CDH8: variants seen among roughly 807,000 people sequenced by gnomAD.
CDH8 encodes the protein cadherin 8, also known as cadherin-8.
Under a neutral mutation model 68.1 loss-of-function variants are expected in CDH8, and 17 were observed. The observed-to-expected ratio is 0.25, with a 90% confidence interval of 0.17 to 0.37. CDH8 has a LOEUF of 0.37. Among genes scored for constraint, CDH8 ranks in the 10% least tolerant of loss-of-function variants. The probability of loss-of-function intolerance (pLI) is 1.00; values close to 1 mark genes in which losing one functional copy is unlikely to be tolerated. For synonymous variants in CDH8, 372 were observed against 365.1 expected (o/e 1.02, Z -0.21); for missense variants, 763 against 999.3 (o/e 0.76, Z 3.19).
intron 9 of CDH8, chr16:61,726,755 C>G (rs945781680): frequency 2.7e-5 from 10 of 363,810 alleles, no homozygotes; most frequent in African/African-American, 1.9e-4. Context: ...CGAGGTTTTA[C>G]CTTGCTTCTT....
chr16:61,899,711 TTC>T (rs1265049837), intron 3 of CDH8, among the ~76,000 whole-genome samples: 2 of 152,176 alleles, frequency 1.3e-5, no homozygotes, highest in African/African-American at 4.8e-5. Flanking sequence ...AACTAGGATA[TTC>T]TCTTTCTCAG....
intron 2 of CDH8, among the ~76,000 whole-genome samples, chr16:62,007,804 C>T (rs1901709305): frequency 6.6e-6 from 1 of 152,170 alleles, no homozygotes; most frequent in Admixed American, 6.5e-5. Flanking sequence ...CTCTTTCCTT[C>T]CCTCAGTCTT....
chr16:61,867,092 C>G (rs973825417), intron 3 of CDH8, among the ~76,000 whole-genome samples: 1 of 152,008 alleles, frequency 6.6e-6, no homozygotes, highest in East Asian at 1.9e-4. Context: ...AGCCACTGAG[C>G]CACTGAGCTA....
chr16:62,002,945 C>T (rs974705943), intron 2 of CDH8, among the ~76,000 whole-genome samples: 4 of 151,872 alleles, frequency 2.6e-5, no homozygotes, highest in Non-Finnish European at 5.9e-5. Context: ...CCCAACTACT[C>T]GGGAAGCTGA....
intron 8 of CDH8, among the ~76,000 whole-genome samples, chr16:61,728,078 A>G (rs926835661): frequency 4.0e-5 from 6 of 151,122 alleles, no homozygotes; most frequent in Admixed American, 2.7e-4. Flanking sequence ...TAAATTATAC[A>G]GAATGCATTG....
intron 2 of CDH8, among the ~76,000 whole-genome samples, chr16:61,915,675 A>G (rs1487002498): frequency 6.6e-6 from 1 of 152,238 alleles, no homozygotes; most frequent in Non-Finnish European, 1.5e-5. Context: ...TTGCGAAGTT[A>G]AATCTAAGGT....
At chr16:61,976,861 A>T (rs1965444427) in intron 2 of CDH8, among the ~76,000 whole-genome samples, 1 of 152,152 alleles carries the variant, frequency 6.6e-6, no homozygotes, top group Non-Finnish European at 1.5e-5. Flanking sequence ...GTAACTTGTT[A>T]CTTTCATTGG....
intron 2 of CDH8, among the ~76,000 whole-genome samples, chr16:61,902,892 GAACA>G (rs1266180439): frequency 6.6e-6 from 1 of 152,030 alleles, no homozygotes; most frequent in Non-Finnish European, 1.5e-5. Flanking sequence ...GTATTAACAT[GAACA>G]AATATTGAAA....
chr16:61,659,098 T>C (rs1963505855), intron 10 of CDH8, among the ~76,000 whole-genome samples: 1 of 152,212 alleles, frequency 6.6e-6, no homozygotes, highest in Admixed American at 6.5e-5. Flanking sequence ...TTTCTTTTTA[T>C]TTATAAAAGC....
At chr16:61,978,511 T>A (rs1567553951) in intron 2 of CDH8, among the ~76,000 whole-genome samples, 1 of 152,232 alleles carries the variant, frequency 6.6e-6, no homozygotes, top group Non-Finnish European at 1.5e-5. Flanking sequence ...TCTGATTGAC[T>A]TGTAATGAGT....
chr16:61,914,833 G>C (rs191537924), intron 2 of CDH8, among the ~76,000 whole-genome samples: 1 of 151,792 alleles, frequency 6.6e-6, no homozygotes, highest in East Asian at 1.9e-4. Flanking sequence ...ATTTTCCCCA[G>C]AGGCGCTAGA....
chr16:61,959,921 G>A (rs1225472143), intron 2 of CDH8, among the ~76,000 whole-genome samples: 1 of 133,650 alleles, frequency 7.5e-6, no homozygotes, highest in Non-Finnish European at 1.6e-5. Context: ...ACACACAGAG[G>A]GAGGATATGG....
In CDH8 at chr16:61,653,193, T is replaced by C; in HGVS notation, c.*415A>G. 1 of 1,214,218 alleles carries C rather than the reference T, an allele frequency of 8.2e-7. No individual in the cohort carries two copies. Among genetic ancestry groups the C allele is most frequent in the Non-Finnish European group, 1.0e-6 (1 of 977,974 alleles). The allele number at this position is 1,214,218 out of a possible 1,614,324, so 75.2% of individuals were successfully genotyped here. On this transcript the variant is annotated 3_prime_UTR_variant, in exon 12 of 12. Transcript: ENST00000577390. ...GGTGAAGGGGAAAAAACCATTTGCA[T>C]TCATAAAAATCCTTGCAGAAGACAC...
At chr16:62,035,032 G>A (rs1234981651) in intron 1 of CDH8, 4 of 152,232 alleles carry the variant, frequency 2.6e-5, no homozygotes, top group Admixed American at 1.3e-4. Context: ...CAGACTGGGT[G>A]GGGGAAGGCT....
chr16:61,715,546 T>C (rs1480120268), intron 9 of CDH8, among the ~76,000 whole-genome samples: 1 of 146,968 alleles, frequency 6.8e-6, no homozygotes, highest in East Asian at 1.9e-4. Flanking sequence ...ATTTTAGTCA[T>C]CATATCATTA....
chr16:61,647,323 T>C lies in CDH8; in HGVS notation c.*6285A>G, dbSNP rs915252206. ...AATTATTATTTATAAATTTTGGCTC[T>C]AACATTGAGCCAAAAACATCCATTC... On this transcript the variant is annotated 3_prime_UTR_variant, in exon 12 of 12. Transcript: ENST00000577390. 1 of 151,946 alleles carries C rather than the reference T, an allele frequency of 6.6e-6. No individual in the cohort carries two copies. Among genetic ancestry groups the C allele is most frequent in the Admixed American group, 6.6e-5 (1 of 15,188 alleles). The allele number at this position is 151,946 out of a possible 1,614,324, so 9.4% of individuals were successfully genotyped here. A position where few individuals can be genotyped will look rare whatever the true frequency, so the allele number is the denominator to read the frequency against.
At chr16:61,910,053 A>G (rs1046409754) in intron 2 of CDH8, among the ~76,000 whole-genome samples, 3 of 152,136 alleles carry the variant, frequency 2.0e-5, no homozygotes, top group Non-Finnish European at 2.9e-5. Context: ...TTTTTTTATA[A>G]AAAATATAAT....
chr16:61,871,265 C>A (rs982247968), intron 3 of CDH8, among the ~76,000 whole-genome samples: 1 of 151,840 alleles, frequency 6.6e-6, no homozygotes, highest in South Asian at 2.1e-4. Flanking sequence ...ACTGCAGCCT[C>A]GACCTCCCAG....
intron 3 of CDH8, among the ~76,000 whole-genome samples, chr16:61,862,422 G>T (rs1483266104): frequency 1.3e-5 from 2 of 152,100 alleles, no homozygotes; most frequent in Non-Finnish European, 2.9e-5. Context: ...ATGAACTACT[G>T]GGCTGGGGAC....
Sources: allele counts gnomAD v4.1 joint callset (sites outside exome capture counted in the v4.1 genomes callset), GRCh38; gene constraint gnomAD v4.1.1; transcripts MANE v1.5; gene names NCBI Gene and HGNC (gene_info 2026-07-23, HGNC 2026-07-21).